SEPTIN10: variants seen among roughly 807,000 people sequenced by gnomAD.
SEPTIN10 encodes the protein septin-10.
In SEPTIN10, 66 loss-of-function variants were observed where a neutral mutation model predicts 54.8. The observed-to-expected ratio is 1.21, with a 90% confidence interval of 0.99 to 1.48. The LOEUF (loss-of-function observed/expected upper bound fraction) is 1.48, where lower values mean the gene tolerates loss of function less well. SEPTIN10 is among the 40% of genes most tolerant of loss of function. The pLI, the probability that SEPTIN10 is intolerant of heterozygous loss-of-function variation, is 0.00. For missense variants in SEPTIN10, 620 were observed against 545.6 expected (o/e 1.14, Z -1.36); for synonymous variants, 161 against 181.0 (o/e 0.89, Z 0.89).
chr2:109,572,214 T>C (rs1350948649), intron 5 of SEPTIN10, among the ~76,000 whole-genome samples: 2 of 152,120 alleles, frequency 1.3e-5, no homozygotes, highest in East Asian at 3.9e-4. Context: ...CACTGCAAGC[T>C]CTGCCTCCTG....
chr2:109,562,510 C>T (rs1685940151), intron 8 of SEPTIN10, among the ~76,000 whole-genome samples: 1 of 151,116 alleles, frequency 6.6e-6, no homozygotes. Context: ...AGATAGCAGA[C>T]AAACTATTTG....
intron 8 of SEPTIN10, among the ~76,000 whole-genome samples, chr2:109,558,231 T>A (rs2104954341): frequency 6.6e-6 from 1 of 152,338 alleles, no homozygotes; most frequent in East Asian, 1.9e-4. Context: ...TTGGGACATG[T>A]TTGTGTTTCA....
chr2:109,569,565 ATTTT>A (rs1687886147), intron 5 of SEPTIN10, among the ~76,000 whole-genome samples: 1 of 152,092 alleles, frequency 6.6e-6, no homozygotes, highest in Non-Finnish European at 1.5e-5. Flanking sequence ...AAGGAGAGAA[ATTTT>A]TTCTGTCTAT....
chr2:109,578,131 T>C (rs969847864), intron 4 of SEPTIN10, among the ~76,000 whole-genome samples: 1 of 151,766 alleles, frequency 6.6e-6, no homozygotes, highest in Non-Finnish European at 1.5e-5. Context: ...AAAATAAATA[T>C]AGAACTGGCA....
At chr2:109,587,640 G>A (rs2105830235) in intron 2 of SEPTIN10, among the ~76,000 whole-genome samples, 1 of 152,264 alleles carries the variant, frequency 6.6e-6, no homozygotes, top group East Asian at 1.9e-4. Flanking sequence ...TAGGCCTGGT[G>A]TGGTGGCTCA....
intron 1 of SEPTIN10, among the ~76,000 whole-genome samples, chr2:109,606,150 C>T (rs1697888710): frequency 1.3e-5 from 2 of 152,198 alleles, no homozygotes; most frequent in South Asian, 4.1e-4. Context: ...GGTGCCGTGG[C>T]TCATGCCTGT....
At chr2:109,567,139 T>C (rs1283915244) in intron 6 of SEPTIN10, among the ~76,000 whole-genome samples, 2 of 152,116 alleles carry the variant, frequency 1.3e-5, no homozygotes, top group African/African-American at 4.8e-5. Flanking sequence ...TTAACAAAGG[T>C]GACATCATTT....
intron 8 of SEPTIN10, among the ~76,000 whole-genome samples, chr2:109,561,368 T>C (rs1359290923): frequency 1.3e-5 from 2 of 152,154 alleles, no homozygotes. Flanking sequence ...CATTTTACAC[T>C]GTCTGCCTCT....
chr2:109,545,300 A>C (rs2104525076), intron 10 of SEPTIN10: 3 of 1,440,534 alleles, frequency 2.1e-6, no homozygotes, highest in Non-Finnish European at 2.7e-6. Context: ...AAATAAAACA[A>C]GGGACACAAA....
intron 5 of SEPTIN10, among the ~76,000 whole-genome samples, chr2:109,572,334 C>T (rs895252119): frequency 2.0e-5 from 3 of 152,112 alleles, no homozygotes; most frequent in Non-Finnish European, 2.9e-5. Context: ...GGGGTTTCAC[C>T]GTGTTAGCCA....
chr2:109,565,910 A>G, intron 6 of SEPTIN10, 51 bp from the exon 7 acceptor site: 1 of 1,434,182 alleles, frequency 7.0e-7, no homozygotes, highest in Non-Finnish European at 9.8e-7. Flanking sequence ...ATAACTGACT[A>G]GATAAAATAA....
intron 2 of SEPTIN10, among the ~76,000 whole-genome samples, chr2:109,586,164 G>T (rs1055670715): frequency 1.3e-5 from 2 of 152,032 alleles, no homozygotes; most frequent in Admixed American, 1.3e-4. Flanking sequence ...ATTTGTTTAT[G>T]ATAAAAACTT....
At chr2:109,606,672 C>CTTTTTTTTT (rs34414105) in intron 1 of SEPTIN10, among the ~76,000 whole-genome samples, 19 of 71,910 alleles carry the variant, frequency 2.6e-4, no homozygotes, top group African/African-American at 5.5e-4. Flanking sequence ...AAATTTTAAG[C>CTTTTTTTTT]TTTTTTTTTT....
At chr2:109,563,938 T>C (rs370937093) in intron 8 of SEPTIN10, among the ~76,000 whole-genome samples, 16 of 152,290 alleles carry the variant, frequency 1.1e-4, no homozygotes, top group Admixed American at 5.2e-4. Context: ...CTGGGCAACA[T>C]AGTAAGACCC....
chr2:109,548,593 C>T (rs1271466536), intron 9 of SEPTIN10, among the ~76,000 whole-genome samples: 6 of 151,780 alleles, frequency 4.0e-5, no homozygotes, highest in African/African-American at 1.2e-4. Flanking sequence ...CTGGGCAACA[C>T]GGGGAAACCC....
At chr2:109,574,275 CA>C (rs1172542846) in intron 5 of SEPTIN10, among the ~76,000 whole-genome samples, 96 of 131,022 alleles carry the variant, frequency 7.3e-4, no homozygotes, top group Admixed American at 1.8e-3. Flanking sequence ...TCCAACTCCA[CA>C]AAAAAAAAAA....
intron 1 of SEPTIN10, among the ~76,000 whole-genome samples, chr2:109,602,205 G>C (rs1696743262): frequency 6.6e-6 from 1 of 152,090 alleles, no homozygotes; most frequent in Non-Finnish European, 1.5e-5. Context: ...CAGATTTTAT[G>C]ACTATAACTT....
At chr2:109,573,512 A>AAACCAGGGGACCAAGCC (rs1688858006) in intron 5 of SEPTIN10, among the ~76,000 whole-genome samples, 1 of 152,184 alleles carries the variant, frequency 6.6e-6, no homozygotes. Flanking sequence ...ATTTTTGCTA[A>AAACCAGGGGACCAAGCC]AACCAGGGGA....
intron 6 of SEPTIN10, among the ~76,000 whole-genome samples, chr2:109,566,781 T>C (rs1687130947): frequency 6.6e-6 from 1 of 152,086 alleles, no homozygotes; most frequent in South Asian, 2.1e-4. Flanking sequence ...CTGAACAAAA[T>C]GCAATAGCTA....
Sources: allele counts gnomAD v4.1 joint callset (sites outside exome capture counted in the v4.1 genomes callset), GRCh38; gene constraint gnomAD v4.1.1; transcripts MANE v1.5; gene names NCBI Gene and HGNC (gene_info 2026-07-23, HGNC 2026-07-21).